Variants in PTPRO observed in about 807,000 individuals in gnomAD.
PTPRO encodes the protein protein tyrosine phosphatase receptor type O.
A neutral mutation model predicts 145.2 loss-of-function variants in PTPRO; 62 were observed. That is an observed-to-expected ratio of 0.43 (90% CI 0.35 to 0.53). The LOEUF (loss-of-function observed/expected upper bound fraction) is 0.53, where lower values mean the gene tolerates loss of function less well. PTPRO is among the 20% of genes least tolerant of loss of function. The pLI is 0.01. For missense variants in PTPRO, 1,345 were observed against 1,482.7 expected, an observed-to-expected ratio of 0.91 and a Z score of 1.53; for synonymous variants, 565 against 514.7, an observed-to-expected ratio of 1.10 and a Z score of -1.32.
At chr12:15,558,809 C>T (rs1476910856) in intron 16 of PTPRO, among the ~76,000 whole-genome samples, 1 of 152,140 alleles carries the variant, frequency 6.6e-6, no homozygotes, top group Non-Finnish European at 1.5e-5. Flanking sequence ...CTGATACTCA[C>T]TCTAGTTGAA....
chr12:15,322,671 G>T lies in PTPRO; in HGVS notation c.-56G>T, dbSNP rs1866328042. ...CAGCCCCAGTTCGCCATTGTGAGCC[G>T]CCGCCGGGGGAGTCCGCTAGCGCAG... On this transcript the variant is annotated 5_prime_UTR_variant, in exon 1 of 27. Transcript: ENST00000281171. This position sits in a 1 kb window ranked among gnomAD's most constrained non-coding sequence, Gnocchi z 6.3. The T allele has an allele frequency of 1.3e-6, 2 of 1,496,644 alleles. No homozygotes were observed. Among genetic ancestry groups the T allele is most frequent in the African/African-American group, 2.8e-5 (2 of 72,498 alleles). 92.7% of individuals were successfully genotyped at this position (1,496,644 alleles called of 1,614,324 possible).
At chr12:15,455,109 A>G (rs1941141764) in intron 1 of PTPRO, among the ~76,000 whole-genome samples, 1 of 152,096 alleles carries the variant, frequency 6.6e-6, no homozygotes, top group Non-Finnish European at 1.5e-5. Flanking sequence ...ATATCAGCCT[A>G]CCTTCAGATA....
intron 7 of PTPRO, among the ~76,000 whole-genome samples, chr12:15,513,521 G>A (rs1014626197): frequency 6.6e-6 from 1 of 152,170 alleles, no homozygotes; most frequent in Non-Finnish European, 1.5e-5. Flanking sequence ...TTACTTACAT[G>A]CAGAGGAAGT....
At chr12:15,471,429 C>A (rs1466890628) in intron 1 of PTPRO, among the ~76,000 whole-genome samples, 4 of 152,100 alleles carry the variant, frequency 2.6e-5, no homozygotes, top group Non-Finnish European at 2.9e-5. Context: ...GAGTAGAGAA[C>A]TGGCATACTC....
At chr12:15,506,372 G>C (rs1255861469) in intron 6 of PTPRO, among the ~76,000 whole-genome samples, 1 of 152,150 alleles carries the variant, frequency 6.6e-6, no homozygotes, top group Admixed American at 6.6e-5. Context: ...ATGACTTCAG[G>C]CAGCTTGTTT....
At chr12:15,483,940 C>T in intron 1 of PTPRO, 34 bp from the exon 2 acceptor site, 1 of 1,601,988 alleles carries the variant, frequency 6.2e-7, no homozygotes, top group East Asian at 2.2e-5. Flanking sequence ...CTGAATATAA[C>T]CTCCATCTCT....
chr12:15,409,343 T>C (rs573118773), intron 1 of PTPRO, among the ~76,000 whole-genome samples: 106 of 152,228 alleles, frequency 7.0e-4, no homozygotes, highest in African/African-American at 2.2e-3. Context: ...AAACGTGGGT[T>C]TATGTGGAAG....
chr12:15,453,984 G>A (rs1941111506), intron 1 of PTPRO, among the ~76,000 whole-genome samples: 2 of 152,182 alleles, frequency 1.3e-5, no homozygotes, highest in South Asian at 4.2e-4. Flanking sequence ...TCCATCAGTG[G>A]ACATTTCATT....
At chr12:15,585,748 A>G (rs753798055) in intron 23 of PTPRO, among the ~76,000 whole-genome samples, 1 of 152,100 alleles carries the variant, frequency 6.6e-6, no homozygotes, top group Admixed American at 6.6e-5. Flanking sequence ...AAGTTTGAGA[A>G]CTGAGGGATG....
chr12:15,582,054 G>T (rs888605438), intron 23 of PTPRO, among the ~76,000 whole-genome samples: 3 of 152,230 alleles, frequency 2.0e-5, no homozygotes, highest in Non-Finnish European at 2.9e-5. Context: ...TTAACTAAAA[G>T]TATTCCTTAT....
intron 2 of PTPRO, among the ~76,000 whole-genome samples, chr12:15,493,979 T>C (rs1176855539): frequency 1.3e-5 from 2 of 152,146 alleles, no homozygotes; most frequent in African/African-American, 2.4e-5. Flanking sequence ...CTTAAAACAA[T>C]GTTAGGCAAT....
chr12:15,558,989 T>C (rs1045127760), intron 16 of PTPRO, among the ~76,000 whole-genome samples: 1 of 152,180 alleles, frequency 6.6e-6, no homozygotes, highest in Non-Finnish European at 1.5e-5. Flanking sequence ...TGTTCAAATA[T>C]ATTAGCACTC....
chr12:15,474,640 G>A (rs1051938486), intron 1 of PTPRO, among the ~76,000 whole-genome samples: 1 of 152,158 alleles, frequency 6.6e-6, no homozygotes, highest in African/African-American at 2.4e-5. Context: ...TTCCTGCAGA[G>A]TCAAGCAATA....
chr12:15,464,977 C>A (rs1179104441), intron 1 of PTPRO, among the ~76,000 whole-genome samples: 2 of 152,102 alleles, frequency 1.3e-5, no homozygotes, highest in Non-Finnish European at 2.9e-5. Flanking sequence ...TTTTGAAATA[C>A]ATATGGTAGC....
chr12:15,371,612 ATGTG>A (rs1033031229), intron 1 of PTPRO, among the ~76,000 whole-genome samples: 1 of 152,046 alleles, frequency 6.6e-6, no homozygotes, highest in Non-Finnish European at 1.5e-5. Context: ...ATAATATTGT[ATGTG>A]TGTGTGTGTT....
chr12:15,377,149 T>C (rs1369952233), intron 1 of PTPRO, among the ~76,000 whole-genome samples: 1 of 152,122 alleles, frequency 6.6e-6, no homozygotes, highest in African/African-American at 2.4e-5. Flanking sequence ...TAAATTAAGT[T>C]GTTAAGTATA....
chr12:15,571,312 C>CAG (rs150410505), intron 19 of PTPRO, among the ~76,000 whole-genome samples: 28,831 of 151,862 alleles, frequency 0.19, 2,864 homozygotes, highest in Middle Eastern at 0.26. Flanking sequence ...TTTTTTGAGA[C>CAG]AGTCTCACTC....
intron 6 of PTPRO, among the ~76,000 whole-genome samples, chr12:15,507,062 G>C (rs1303997316): frequency 6.6e-6 from 1 of 152,022 alleles, no homozygotes; most frequent in East Asian, 1.9e-4. Context: ...CTCTACCTCA[G>C]TTTTCACATC....
intron 1 of PTPRO, among the ~76,000 whole-genome samples, chr12:15,368,622 T>C (rs1258777809): frequency 6.6e-6 from 1 of 152,220 alleles, no homozygotes; most frequent in African/African-American, 2.4e-5. Context: ...AATGAATCCA[T>C]GTTAAGAATA....
Sources: gnomAD v4.1 joint callset for allele counts (sites outside exome capture counted in the v4.1 genomes callset) on GRCh38, gnomAD v4.1.1 for gene constraint, Gnocchi (gnomAD v3.1) non-coding constraint, MANE v1.5 for transcripts, NCBI Gene and HGNC (gene_info 2026-07-23, HGNC 2026-07-21) for gene names.